The following SPATA6 variants were observed in gnomAD, a reference collection of about 807,000 sequenced individuals.
SPATA6 encodes spermatogenesis associated 6.
In SPATA6, 56 loss-of-function variants were observed where a neutral mutation model predicts 65.3. That is an observed-to-expected ratio of 0.86 (90% CI 0.69 to 1.07). SPATA6 has a LOEUF of 1.07. Ranked by LOEUF, SPATA6 falls within the 50% of genes least tolerant of loss-of-function variation. SPATA6 has a pLI of 0.00. For synonymous variants in SPATA6, 199 were observed against 213.2 expected (o/e 0.93, Z 0.58); for missense variants, 590 against 594.8 (o/e 0.99, Z 0.08).
chr1:48,308,305 G>T (rs759049204), intron 11 of SPATA6, among the ~76,000 whole-genome samples: 1 of 151,966 alleles, frequency 6.6e-6, no homozygotes, highest in Non-Finnish European at 1.5e-5. Flanking sequence ...AAGTTTAGAT[G>T]ATATCAACTT....
intron 3 of SPATA6, among the ~76,000 whole-genome samples, chr1:48,419,404 A>G (rs1455184052): frequency 6.6e-6 from 1 of 152,232 alleles, no homozygotes; most frequent in East Asian, 1.9e-4. Context: ...CAGTTGCTAG[A>G]GGGAGACAAG....
chr1:48,373,802 G>A (rs56657185), intron 9 of SPATA6, among the ~76,000 whole-genome samples: 2,201 of 152,248 alleles, frequency 0.014, 52 homozygotes, highest in African/African-American at 0.05. Flanking sequence ...CAGATCTCTT[G>A]ACACTTACTT....
intron 11 of SPATA6, among the ~76,000 whole-genome samples, chr1:48,348,204 C>T (rs1211386468): frequency 6.6e-6 from 1 of 151,992 alleles, no homozygotes; most frequent in Non-Finnish European, 1.5e-5. Context: ...AAGCAAGTCA[C>T]TAAGTCCAGT....
intron 3 of SPATA6, among the ~76,000 whole-genome samples, chr1:48,421,995 T>C (rs1437407963): frequency 6.6e-6 from 1 of 152,184 alleles, no homozygotes; most frequent in Admixed American, 6.5e-5. Context: ...TGAATGTGTG[T>C]ATCAAATGGA....
chr1:48,379,812 G>T (rs527509315), intron 9 of SPATA6, among the ~76,000 whole-genome samples: 1 of 151,896 alleles, frequency 6.6e-6, no homozygotes, highest in South Asian at 2.1e-4. Context: ...AGTATCATAC[G>T]CTTTACATGC....
intron 11 of SPATA6, among the ~76,000 whole-genome samples, chr1:48,333,195 C>G (rs1645964791): frequency 6.6e-6 from 1 of 152,144 alleles, no homozygotes. Context: ...CTAGGAAAAC[C>G]AGGCAGATGA....
the SPATA6 span, among the ~76,000 whole-genome samples, chr1:48,276,351 G>C: frequency 6.6e-6 from 1 of 151,094 alleles, no homozygotes. Context: ...GTTCTTCTCT[G>C]ATCTTATTTC....
intron 9 of SPATA6, 73 bp downstream of exon 9, chr1:48,385,236 A>G: frequency 7.8e-7 from 1 of 1,285,916 alleles, no homozygotes; most frequent in Non-Finnish European, 1.1e-6. Context: ...TCTGATATAC[A>G]TATATATGAA....
At chr1:48,284,277 T>A in the SPATA6 span, among the ~76,000 whole-genome samples, 3 of 152,230 alleles carry the variant, frequency 2.0e-5, no homozygotes, top group South Asian at 4.1e-4. Context: ...TTCAACTCCA[T>A]CAGGTCATTT....
chr1:48,423,970 T>A (rs1653602663), intron 3 of SPATA6, among the ~76,000 whole-genome samples: 1 of 152,214 alleles, frequency 6.6e-6, no homozygotes, highest in South Asian at 2.1e-4. Flanking sequence ...GGGGTATCCA[T>A]CTCCTCAAGC....
At chr1:48,457,107 C>T (rs1365049935) in intron 1 of SPATA6, among the ~76,000 whole-genome samples, 1 of 151,964 alleles carries the variant, frequency 6.6e-6, no homozygotes, top group Admixed American at 6.6e-5. Flanking sequence ...GATCACAGAA[C>T]TCCAACCTGT....
chr1:48,353,065 A>T (rs543551285), intron 11 of SPATA6, among the ~76,000 whole-genome samples: 1 of 152,092 alleles, frequency 6.6e-6, no homozygotes, highest in Admixed American at 6.6e-5. Context: ...TAGAAGGAAA[A>T]CAATTCTAGA....
chr1:48,450,114 T>C (rs1332266963), intron 3 of SPATA6, among the ~76,000 whole-genome samples: 1 of 151,650 alleles, frequency 6.6e-6, no homozygotes, highest in Non-Finnish European at 1.5e-5. Context: ...CAAAGCACAT[T>C]AGAGAGGTCA....
At chr1:48,282,080 G>C in the SPATA6 span, among the ~76,000 whole-genome samples, 9 of 152,272 alleles carry the variant, frequency 5.9e-5, 1 homozygote, top group African/African-American at 2.2e-4. Context: ...ACAAGAAATG[G>C]GGAAAGGATT....
intron 1 of SPATA6, among the ~76,000 whole-genome samples, chr1:48,468,657 TGA>T (rs1657986791): frequency 6.6e-6 from 1 of 151,690 alleles, no homozygotes; most frequent in Non-Finnish European, 1.5e-5. Context: ...GATGGTGACA[TGA>T]GTGTATGAAT....
Position 48,298,842 on chromosome 1 carries a change from C to T in SPATA6, c.1338G>A (p.Trp446Ter). ...GTFHLDDGEY[W>*]SNRAASYKGK... is the part of the protein sequence containing the mutation. Reference sequence around the variant, plus strand: ...CCTTATAAGAGGCTGCCCTGTTGGACCAGTATTCACCGTCATCCAAATGGA... The same window carrying T: ...CCTTATAAGAGGCTGCCCTGTTGGATCAGTATTCACCGTCATCCAAATGGA... Residue 446 changes from tryptophan to a stop codon, truncating the protein, a stop_gained, in exon 13 of 13, where the codon TGG becomes TGA. Coordinates refer to ENST00000371847, the MANE Select transcript of SPATA6 (RefSeq NM_019073.4). LOFTEE classifies it high-confidence loss of function. 1 of 1,613,876 alleles carries T rather than the reference C, an allele frequency of 6.2e-7. No individual in the cohort carries two copies. The highest frequency in any genetic ancestry group is 8.5e-7 in the Non-Finnish European group (1 of 1,179,922).
rs538691190 is a variant in SPATA6 at position 48,384,840 on chromosome 1, C to T, written c.909+469G>A. Among the ~76,000 whole-genome samples the T allele has an allele frequency of 9.2e-5, 14 of 152,270 alleles. No homozygotes were observed. The East Asian group carries it at 2.7e-3, about 29-fold the overall frequency. On this transcript the variant is annotated intron_variant, in intron 9 of 12. Transcript: ENST00000371847. ...TTTCAAGGCTGTCATACATGTAAAG[C>T]ATGTGATACTGGATTTTCATTTATC...
the SPATA6 span, among the ~76,000 whole-genome samples, chr1:48,279,455 C>G: frequency 2.0e-5 from 3 of 152,148 alleles, no homozygotes; most frequent in African/African-American, 4.8e-5. Flanking sequence ...TGCAGAGAAA[C>G]ACATAGGCTC....
intron 11 of SPATA6, among the ~76,000 whole-genome samples, chr1:48,322,271 T>A (rs757480146): frequency 6.6e-6 from 1 of 152,164 alleles, no homozygotes; most frequent in African/African-American, 2.4e-5. Context: ...ACCACATATC[T>A]ACAACCATCT....
Sources: allele counts gnomAD v4.1 joint callset (sites outside exome capture counted in the v4.1 genomes callset), GRCh38; gene constraint gnomAD v4.1.1; transcripts MANE v1.5; gene names NCBI Gene and HGNC (gene_info 2026-07-23, HGNC 2026-07-21).